Variants in CTCFL observed in about 807,000 individuals in gnomAD.
The protein encoded by CTCFL is transcriptional repressor CTCFL.
CTCFL carries 36 observed loss-of-function variants against 67.4 expected under a neutral mutation model. The ratio of observed to expected loss-of-function variants is 0.53; its 90% CI spans 0.41 to 0.71. CTCFL has a LOEUF of 0.71. Among genes scored for constraint, CTCFL ranks in the 30% least tolerant of loss-of-function variants. The pLI is 0.00. For missense variants in CTCFL, 786 were observed against 835.2 expected (o/e 0.94, Z 0.73); for synonymous variants, 324 against 302.3 (o/e 1.07, Z -0.75).
chr20:57,507,194 C>CTTT (rs113180346), intron 9 of CTCFL: 106 of 212,858 alleles, frequency 5.0e-4, no homozygotes, highest in South Asian at 7.1e-4. Context: ...GAATGTGCCA[C>CTTT]TTTTTTTTTT....
At chr20:57,496,498 T>C, downstream of CTCFL, 1 of 435,116 alleles carries the variant, frequency 2.3e-6, no homozygotes, top group Non-Finnish European at 4.1e-6. Flanking sequence ...TTCAGTGGAA[T>C]GATTAGGTAG....
chr20:57,522,737 G>A (rs2069476876), intron 3 of CTCFL, among the ~76,000 whole-genome samples: 1 of 152,084 alleles, frequency 6.6e-6, no homozygotes, highest in Non-Finnish European at 1.5e-5. Context: ...AAGCACACGA[G>A]GCCTCACCAC....
At position 57,515,509 on chromosome 20, in the gene CTCFL, A is replaced by G. The variant is rs936316539; in HGVS notation, c.1180+205T>C. The G allele has an allele frequency of 1.7e-5, 10 of 600,862 alleles. No individual in the cohort carries two copies. In the African/African-American group the frequency reaches 1.9e-4, roughly 11 times the overall value. 37.2% of individuals were successfully genotyped at this position (600,862 alleles called of 1,614,324 possible). ...AAATACTTTGTGTTTTACTCCACACAGTGGGGTTGTGGCACAGTATCTATG... is the reference window on the plus strand; with the variant it reads ...AAATACTTTGTGTTTTACTCCACACGGTGGGGTTGTGGCACAGTATCTATG... On this transcript the variant is annotated intron_variant, in intron 6 of 10. Transcript: ENST00000243914.
At chr20:57,517,186 G>T (rs1160489652) in intron 5 of CTCFL, among the ~76,000 whole-genome samples, 5 of 151,958 alleles carry the variant, frequency 3.3e-5, no homozygotes, top group Non-Finnish European at 5.9e-5. Flanking sequence ...TGAAAGTTTT[G>T]AGGAGGATAA....
intron 10 of CTCFL, among the ~76,000 whole-genome samples, chr20:57,499,221 T>C (rs1212093281): frequency 6.6e-6 from 1 of 152,312 alleles, no homozygotes; most frequent in Middle Eastern, 3.4e-3. Flanking sequence ...CCAGTACCCA[T>C]GTAATGATGC....
At chr20:57,504,554 T>C (rs1242452029) in intron 9 of CTCFL, among the ~76,000 whole-genome samples, 1 of 151,802 alleles carries the variant, frequency 6.6e-6, no homozygotes, top group East Asian at 1.9e-4. Context: ...AGTGCTGAGA[T>C]TACAGGCGTG....
At chr20:57,502,175 C>T (rs907309140) in intron 10 of CTCFL, among the ~76,000 whole-genome samples, 3 of 152,056 alleles carry the variant, frequency 2.0e-5, no homozygotes, top group African/African-American at 7.2e-5. Flanking sequence ...AAAGGCAGGC[C>T]GGGGGCACAC....
At chr20:57,524,544 C>T (rs1016534435) in intron 1 of CTCFL, 28 of 1,094,044 alleles carry the variant, frequency 2.6e-5, no homozygotes, top group Non-Finnish European at 3.1e-5. Flanking sequence ...TATCCTGGGC[C>T]TAGCAAGGTT....
intron 10 of CTCFL, 29 bp downstream of exon 10, chr20:57,503,407 G>A: frequency 6.2e-7 from 1 of 1,613,092 alleles, no homozygotes; most frequent in Non-Finnish European, 8.5e-7. Flanking sequence ...CACTGAGGCG[G>A]TAAAAACAAA....
chr20:57,506,239 A>G (rs946519664), intron 9 of CTCFL, among the ~76,000 whole-genome samples: 45 of 152,368 alleles, frequency 3.0e-4, no homozygotes, highest in African/African-American at 1.1e-3. Flanking sequence ...GTGATTAATG[A>G]CGCTACGCTT....
rs757571226 is a variant in CTCFL, at chr20:57,519,337, G to A, written c.795C>T (p.Thr265=). ...GTFHCDVCMF[T]SSRMSSFNRH... is the part of the protein sequence containing the mutation. The stretch of plus-strand genomic sequence containing the variant: ...GATTAAAACTTGACATTCTAGAAGA[G>A]GTGAACATGCAGACATCACAGTGGA... Residue 265 remains threonine, a synonymous_variant, in exon 4 of 11, where the codon ACC becomes ACT. Transcript: ENST00000243914. 5.0e-6 allele frequency: 8 copies of A among 1,613,968 alleles called. No individual in the cohort carries two copies. Among genetic ancestry groups the A allele is most frequent in the South Asian group, 2.2e-5 (2 of 91,082 alleles).
At chr20:57,503,216 T>TG (rs1231748432) in intron 10 of CTCFL, among the ~76,000 whole-genome samples, 9 of 151,998 alleles carry the variant, frequency 5.9e-5, no homozygotes, top group African/African-American at 1.7e-4. Flanking sequence ...CTCCTCGGGG[T>TG]GGGGGCCACA....
rs117991468 is a variant in CTCFL, at chr20:57,503,736, G to A, written c.1675-135C>T. 3.4e-4 allele frequency: 290 copies of A among 852,110 alleles called. 1 individual carries two copies. The East Asian group carries it at 6.5e-3, about 19-fold the overall frequency. 52.8% of individuals were successfully genotyped at this position (852,110 alleles called of 1,614,324 possible). A position where few individuals can be genotyped will look rare whatever the true frequency, so the allele number is the denominator to read the frequency against. ...TTTCGAGGGCAATTCCACACACCTCGCTAGCCCTAAGAAGTAAATAAGCAA... is the reference window on the plus strand; with the variant it reads ...TTTCGAGGGCAATTCCACACACCTCACTAGCCCTAAGAAGTAAATAAGCAA... On this transcript the variant is annotated intron_variant, in intron 9 of 10. Transcript: ENST00000243914.
At chr20:57,503,705 G>A in intron 9 of CTCFL, 104 bp from the exon 10 acceptor site, 1 of 1,206,374 alleles carries the variant, frequency 8.3e-7, no homozygotes, top group South Asian at 1.4e-5. Context: ...GAAAAATCCT[G>A]AGTTCTTTCG....
Position 57,513,892 on chromosome 20 carries a change from C to T in CTCFL, c.1330+700G>A, listed in dbSNP as rs1354354936. The T allele has an allele frequency of 1.1e-5, 14 of 1,288,880 alleles. No homozygotes were observed. In the Admixed American group the frequency reaches 1.1e-4, roughly 11 times the overall value. The allele number at this position is 1,288,880 out of a possible 1,614,324, so 79.8% of individuals were successfully genotyped here. A position where few individuals can be genotyped will look rare whatever the true frequency, so the allele number is the denominator to read the frequency against. ...GGAATCCTGAAACAAAGAAGAGGCT[C>T]GTTCACTCACGCTTCCCACACCCTC... On this transcript the variant is annotated intron_variant, in intron 7 of 10. Transcript: ENST00000243914.
At chr20:57,504,150 A>G (rs956427674) in intron 9 of CTCFL, among the ~76,000 whole-genome samples, 3 of 150,510 alleles carry the variant, frequency 2.0e-5, no homozygotes, top group African/African-American at 4.9e-5. Flanking sequence ...CTGATTTTTT[A>G]TATTTTTAGT....
At chr20:57,507,794 T>C in intron 9 of CTCFL, 1 of 702,996 alleles carries the variant, frequency 1.4e-6, no homozygotes, top group Non-Finnish European at 2.6e-6. Context: ...CCAGAGAATC[T>C]GTCAGGTGAT....
intron 5 of CTCFL, among the ~76,000 whole-genome samples, chr20:57,516,757 A>G (rs2068952491): frequency 6.6e-6 from 1 of 152,220 alleles, no homozygotes; most frequent in Admixed American, 6.5e-5. Flanking sequence ...ATTAAATTCT[A>G]ATTTGAGTAA....
intron 1 of CTCFL, chr20:57,524,447 GAAC>G: frequency 7.4e-7 from 1 of 1,355,616 alleles, no homozygotes; most frequent in East Asian, 3.0e-5. Flanking sequence ...ACCCTAGAAC[GAAC>G]AGGTTTGGGC....
Sources: gnomAD v4.1 joint callset for allele counts (sites outside exome capture counted in the v4.1 genomes callset) on GRCh38, gnomAD v4.1.1 for gene constraint, MANE v1.5 for transcripts, NCBI Gene and HGNC (gene_info 2026-07-23, HGNC 2026-07-21) for gene names.